CNKSR2: variants seen among roughly 807,000 people sequenced by gnomAD.
The protein encoded by CNKSR2 is CNK homolog protein 2.
A neutral mutation model predicts 84.4 loss-of-function variants in CNKSR2; 14 were observed. The ratio of observed to expected loss-of-function variants is 0.17; its 90% CI spans 0.11 to 0.26. CNKSR2 has a LOEUF of 0.26. CNKSR2 is among the 10% of genes least tolerant of loss of function. The pLI is 1.00. For synonymous variants in CNKSR2, 275 were observed against 277.9 expected, an observed-to-expected ratio of 0.99 and a Z score of 0.10; for missense variants, 485 against 771.2, an observed-to-expected ratio of 0.63 and a Z score of 4.40.
intron 20 of CNKSR2, among the ~76,000 whole-genome samples, chrX:21,646,456 A>C (rs2092707274): frequency 8.9e-6 from 1 of 111,921 alleles, no homozygotes; most frequent in African/African-American, 3.2e-5. Flanking sequence ...ACTACATTGA[A>C]ATTTTATAAA....
chrX:21,537,310 TG>T (rs1301593271), intron 11 of CNKSR2, among the ~76,000 whole-genome samples: 4 of 111,712 alleles, frequency 3.6e-5, no homozygotes, highest in Non-Finnish European at 5.7e-5. Context: ...GAATGTTATT[TG>T]TACTGATGAG....
intron 1 of CNKSR2, among the ~76,000 whole-genome samples, chrX:21,408,196 C>T (rs2090290068): frequency 8.9e-6 from 1 of 112,014 alleles, no homozygotes; most frequent in Non-Finnish European, 1.9e-5. Flanking sequence ...TTCTTATCAA[C>T]ATTAGCTTTT....
At chrX:21,548,490 G>T (rs1477313998) in intron 11 of CNKSR2, among the ~76,000 whole-genome samples, 1 of 111,526 alleles carries the variant, frequency 9.0e-6, no homozygotes, top group Admixed American at 9.5e-5. Context: ...TCTACCTGAG[G>T]TACAAAGAGG....
intron 4 of CNKSR2, among the ~76,000 whole-genome samples, chrX:21,469,115 C>G (rs1375548857): frequency 9.1e-6 from 1 of 110,056 alleles, no homozygotes; most frequent in Non-Finnish European, 1.9e-5. Flanking sequence ...ATCATGTTTA[C>G]TTTGTTTACT....
intron 2 of CNKSR2, among the ~76,000 whole-genome samples, chrX:21,431,370 G>T (rs183235044): frequency 1.8e-5 from 2 of 111,158 alleles, no homozygotes; most frequent in Non-Finnish European, 3.8e-5. Context: ...AGACATATCC[G>T]CTCACAGATG....
chrX:21,437,218 TAAAAC>T (rs751312634), intron 3 of CNKSR2, among the ~76,000 whole-genome samples: 8 of 110,696 alleles, frequency 7.2e-5, no homozygotes, highest in African/African-American at 1.6e-4. Flanking sequence ...GTAGTTATGG[TAAAAC>T]AAAACAAAAC....
intron 10 of CNKSR2, among the ~76,000 whole-genome samples, chrX:21,528,742 C>T (rs1422561873): frequency 2.7e-5 from 3 of 111,202 alleles, no homozygotes; most frequent in African/African-American, 6.5e-5. Flanking sequence ...ATCACTGCAA[C>T]TGATTCTTAG....
At chrX:21,587,655 T>G (rs189405683) in intron 13 of CNKSR2, among the ~76,000 whole-genome samples, 1 of 112,335 alleles carries the variant, frequency 8.9e-6, no homozygotes, top group Non-Finnish European at 1.9e-5. Context: ...CTAGAAAAGA[T>G]GATACAGGAT....
At chrX:21,624,403 G>A (rs190199347) in intron 20 of CNKSR2, among the ~76,000 whole-genome samples, 1 of 112,042 alleles carries the variant, frequency 8.9e-6, no homozygotes, top group Non-Finnish European at 1.9e-5. Context: ...TTAAAATGAT[G>A]AGAATTTTGC....
intron 13 of CNKSR2, among the ~76,000 whole-genome samples, chrX:21,569,112 G>T (rs1467100110): frequency 9.0e-6 from 1 of 111,707 alleles, no homozygotes; most frequent in Non-Finnish European, 1.9e-5. Context: ...ACTGTAGTCT[G>T]CTAAGTGCAC....
At chrX:21,603,706 G>A (rs757503098) in intron 18 of CNKSR2, among the ~76,000 whole-genome samples, 1 of 112,478 alleles carries the variant, frequency 8.9e-6, no homozygotes, top group East Asian at 2.8e-4. Flanking sequence ...ATTGTCTACT[G>A]ATCATTTTTG....
intron 1 of CNKSR2, among the ~76,000 whole-genome samples, chrX:21,414,373 G>T (rs2090387984): frequency 9.0e-6 from 1 of 110,569 alleles, no homozygotes; most frequent in Admixed American, 9.7e-5. Flanking sequence ...TGTCTTTTGA[G>T]AACTGCCTAT....
intron 7 of CNKSR2, among the ~76,000 whole-genome samples, chrX:21,499,775 C>G (rs1317813935): frequency 9.1e-6 from 1 of 110,317 alleles, no homozygotes; most frequent in Non-Finnish European, 1.9e-5. Context: ...TCTTAGTTTT[C>G]TTATATGTGA....
intron 13 of CNKSR2, among the ~76,000 whole-genome samples, chrX:21,582,984 A>G (rs984516844): frequency 8.9e-6 from 1 of 111,921 alleles, no homozygotes; most frequent in Admixed American, 9.5e-5. Context: ...AAGTAGTTGT[A>G]GTTTGACTGA....
At chrX:21,427,705 C>T (rs774724006) in intron 2 of CNKSR2, 1 of 112,473 alleles carries the variant, frequency 8.9e-6, no homozygotes, top group South Asian at 3.7e-4. Context: ...TATTCATGCT[C>T]AAACAGTGCT....
At chrX:21,496,181 G>A (rs185862939) in intron 6 of CNKSR2, among the ~76,000 whole-genome samples, 21 of 111,603 alleles carry the variant, frequency 1.9e-4, no homozygotes, top group Admixed American at 1.2e-3. Context: ...TATTAACCAG[G>A]ACGTCATTAT....
At chrX:21,575,179 A>G (rs1020964765) in intron 13 of CNKSR2, among the ~76,000 whole-genome samples, 2 of 112,078 alleles carry the variant, frequency 1.8e-5, no homozygotes, top group Non-Finnish European at 3.8e-5. Context: ...GGTTAAAAGA[A>G]GAAGAAAACA....
chrX:21,487,487 T>C (rs1229401404), intron 5 of CNKSR2, among the ~76,000 whole-genome samples: 1 of 111,877 alleles, frequency 8.9e-6, no homozygotes, highest in Admixed American at 9.5e-5. Flanking sequence ...TTTTGAAATA[T>C]GCTTCAATTT....
At chrX:21,573,222 C>G (rs938478065) in intron 13 of CNKSR2, among the ~76,000 whole-genome samples, 1 of 112,355 alleles carries the variant, frequency 8.9e-6, no homozygotes, top group Non-Finnish European at 1.9e-5. Flanking sequence ...CAACTCTGCC[C>G]CTGTGGCTTT....
Sources: gnomAD v4.1 joint callset for allele counts (sites outside exome capture counted in the v4.1 genomes callset) on GRCh38, gnomAD v4.1.1 for gene constraint, MANE v1.5 for transcripts, NCBI Gene and HGNC (gene_info 2026-07-23, HGNC 2026-07-21) for gene names.